Variants in CHODL observed in about 807,000 individuals in gnomAD.
CHODL encodes transmembrane protein MT75.
A neutral mutation model predicts 34.5 loss-of-function variants in CHODL; 29 were observed. That is an observed-to-expected ratio of 0.84 (90% CI 0.63 to 1.15). CHODL has a LOEUF of 1.15. Among genes scored for constraint, CHODL ranks in the 50% most tolerant of loss-of-function variants. The pLI is 0.00. For missense variants in CHODL, 332 were observed against 332.5 expected (o/e 1.00, Z 0.01); for synonymous variants, 125 against 116.1 (o/e 1.08, Z -0.49).
intron 1 of CHODL, among the ~76,000 whole-genome samples, chr21:17,991,000 A>T (rs2063792833): frequency 6.6e-6 from 1 of 151,774 alleles, no homozygotes; most frequent in Non-Finnish European, 1.5e-5. Context: ...CCATTGTCTA[A>T]CTCTCTCCCT....
chr21:17,992,348 A>G (rs1403148411), intron 1 of CHODL, among the ~76,000 whole-genome samples: 1 of 152,122 alleles, frequency 6.6e-6, no homozygotes, highest in African/African-American at 2.4e-5. Flanking sequence ...TATGAAGACT[A>G]TCATTGATAT....
chr21:18,070,449 G>C (rs1555860511), intron 2 of CHODL, among the ~76,000 whole-genome samples: 1 of 150,884 alleles, frequency 6.6e-6, no homozygotes, highest in Non-Finnish European at 1.5e-5. Context: ...GTATAGCTAG[G>C]GAAAAAAAAA....
At chr21:18,207,622 G>A (rs983755272) in intron 2 of CHODL, among the ~76,000 whole-genome samples, 1 of 133,464 alleles carries the variant, frequency 7.5e-6, no homozygotes, top group African/African-American at 2.8e-5. Flanking sequence ...CTTCAGTATT[G>A]TAGGACAGGT....
chr21:17,988,653 G>GT (rs1471646375), intron 1 of CHODL, among the ~76,000 whole-genome samples: 9 of 139,252 alleles, frequency 6.5e-5, no homozygotes, highest in Non-Finnish European at 1.1e-4. Context: ...GCAGTGTTTG[G>GT]TTTTTTGTTC....
intron 2 of CHODL, among the ~76,000 whole-genome samples, chr21:18,121,978 G>A (rs1353591259): frequency 6.6e-6 from 1 of 152,064 alleles, no homozygotes; most frequent in Non-Finnish European, 1.5e-5. Context: ...CTTTGTAAAT[G>A]CTCTATTTAT....
intron 5 of CHODL, among the ~76,000 whole-genome samples, chr21:18,264,780 C>T (rs374353605): frequency 1.3e-5 from 2 of 152,072 alleles, no homozygotes; most frequent in East Asian, 1.9e-4. Flanking sequence ...GAAGTTGTAT[C>T]TCAAATCTGG....
intron 2 of CHODL, among the ~76,000 whole-genome samples, chr21:18,171,750 C>CT (rs1334537121): frequency 2.5e-5 from 3 of 119,670 alleles, no homozygotes; most frequent in African/African-American, 9.7e-5. Context: ...TTTTTTTTTT[C>CT]TTTTTTTTGC....
At chr21:18,008,154 A>G (rs191450551) in intron 1 of CHODL, among the ~76,000 whole-genome samples, 1 of 150,852 alleles carries the variant, frequency 6.6e-6, no homozygotes, top group Admixed American at 6.6e-5. Context: ...TCTTTTTTTT[A>G]AAAAAAAGCT....
At chr21:18,057,898 T>C (rs1479349407) in intron 2 of CHODL, among the ~76,000 whole-genome samples, 1 of 152,154 alleles carries the variant, frequency 6.6e-6, no homozygotes, top group African/African-American at 2.4e-5. Flanking sequence ...TTTTGATATA[T>C]GTATATAGTT....
At chr21:18,138,608 T>C (rs1484752800) in intron 2 of CHODL, among the ~76,000 whole-genome samples, 1 of 152,228 alleles carries the variant, frequency 6.6e-6, no homozygotes, top group Non-Finnish European at 1.5e-5. Context: ...CATTGCCTTG[T>C]AGATCAATCA....
intron 2 of CHODL, among the ~76,000 whole-genome samples, chr21:18,187,349 C>T (rs2073455815): frequency 6.6e-6 from 1 of 152,124 alleles, no homozygotes; most frequent in African/African-American, 2.4e-5. Context: ...CCATGTCAAG[C>T]CCACTCTGAT....
intron 1 of CHODL, among the ~76,000 whole-genome samples, chr21:17,963,422 T>G (rs1440758346): frequency 6.6e-6 from 1 of 152,206 alleles, no homozygotes; most frequent in African/African-American, 2.4e-5. Context: ...GACTCATAGT[T>G]CCACATGGCT....
intron 2 of CHODL, among the ~76,000 whole-genome samples, chr21:18,130,902 T>C (rs145616940): frequency 1.2e-3 from 187 of 152,320 alleles, no homozygotes; most frequent in African/African-American, 3.8e-3. Flanking sequence ...TTATTTATTT[T>C]GTTAAAGAAT....
At chr21:17,923,953 T>C (rs1281155818) in intron 1 of CHODL, among the ~76,000 whole-genome samples, 1 of 152,238 alleles carries the variant, frequency 6.6e-6, no homozygotes, top group Non-Finnish European at 1.5e-5. Context: ...TCAGGAATTC[T>C]TTGGAGAGTG....
At chr21:18,233,122 C>T (rs913996426) in intron 2 of CHODL, among the ~76,000 whole-genome samples, 7 of 151,782 alleles carry the variant, frequency 4.6e-5, no homozygotes, top group Admixed American at 2.6e-4. Flanking sequence ...AACATCTTCC[C>T]ATTGTTCCCA....
chr21:18,097,423 C>A (rs1322759846), intron 2 of CHODL, among the ~76,000 whole-genome samples: 1 of 151,992 alleles, frequency 6.6e-6, no homozygotes, highest in Admixed American at 6.6e-5. Context: ...TTTCTACATG[C>A]CAACAGTGAA....
At chr21:18,070,844 C>G (rs1343726033) in intron 2 of CHODL, among the ~76,000 whole-genome samples, 1 of 151,914 alleles carries the variant, frequency 6.6e-6, no homozygotes, top group Non-Finnish European at 1.5e-5. Flanking sequence ...CTCTAAGTAA[C>G]TATGGAAACT....
At chr21:18,169,740 T>C (rs1253029912) in intron 2 of CHODL, among the ~76,000 whole-genome samples, 1 of 152,072 alleles carries the variant, frequency 6.6e-6, no homozygotes, top group Admixed American at 6.5e-5. Context: ...ATATGATCAT[T>C]TTTTAGATAT....
intron 2 of CHODL, among the ~76,000 whole-genome samples, chr21:18,123,525 C>A (rs1250521242): frequency 1.3e-5 from 2 of 152,046 alleles, no homozygotes; most frequent in South Asian, 2.1e-4. Flanking sequence ...AAGAGCATGG[C>A]CCTAGAATCT....
Sources: allele counts gnomAD v4.1 joint callset (sites outside exome capture counted in the v4.1 genomes callset), GRCh38; gene constraint gnomAD v4.1.1; transcripts MANE v1.5; gene names NCBI Gene and HGNC (gene_info 2026-07-23, HGNC 2026-07-21).